COL5A1: variants seen among roughly 807,000 people sequenced by gnomAD.
The protein encoded by COL5A1 is collagen type V alpha 1 chain.
In COL5A1, 16 loss-of-function variants were observed where a neutral mutation model predicts 263.7. That is an observed-to-expected ratio of 0.06 (90% confidence interval 0.04 to 0.09). The LOEUF is 0.09. COL5A1 is among the 10% of genes least tolerant of loss of function. COL5A1 has a pLI of 1.00. For missense variants in COL5A1, 2,036 were observed against 2,540.5 expected (o/e 0.80, Z 4.27); for synonymous variants, 1,012 against 1,004.5 (o/e 1.01, Z -0.14).
intron 4 of COL5A1, among the ~76,000 whole-genome samples, chr9:134,721,029 G>C (rs1834430424): frequency 6.6e-6 from 1 of 152,156 alleles, no homozygotes; most frequent in Admixed American, 6.5e-5. Flanking sequence ...GGGGATCCCA[G>C]GGTTCCGCGG....
Position 134,761,934 on chromosome 9 carries a change from G to A in COL5A1, c.1945G>A (p.Gly649Ser). 6.2e-7 allele frequency: 1 copy of A among 1,613,544 alleles called. No individual in the cohort carries two copies. Among genetic ancestry groups the A allele is most frequent in the Non-Finnish European group, 8.5e-7 (1 of 1,179,986 alleles). The part of the protein sequence containing the change: ...PGEKGHRGDP[G>S]PSGPPGPPGD... ...CCCTTTCACTTCCTAGGGTGACCCT[G>A]GTCCTTCCGGCCCACCAGGACCTCC... is the stretch of plus-strand genomic sequence containing the variant. The change falls in exon 19 of 66, where the codon GGT (glycine) becomes AGT (serine). Residue 649 changes from glycine to serine, a missense_variant. Gly to Ser is a moderately conservative substitution (Grantham distance 56, BLOSUM62 0). Transcript: ENST00000371817.
At chr9:134,704,404 G>C (rs1300572488) in intron 4 of COL5A1, among the ~76,000 whole-genome samples, 5 of 152,186 alleles carry the variant, frequency 3.3e-5, no homozygotes, top group Admixed American at 3.3e-4. Context: ...AAAGGATGAA[G>C]GTAACGTGTG....
intron 2 of COL5A1, among the ~76,000 whole-genome samples, chr9:134,698,676 G>A (rs933745300): frequency 1.3e-5 from 2 of 152,204 alleles, no homozygotes; most frequent in Non-Finnish European, 2.9e-5. Flanking sequence ...GCTGCTGCCC[G>A]CCTTGCCACA....
chr9:134,808,655 T>C (rs1838392017), intron 42 of COL5A1, among the ~76,000 whole-genome samples: 1 of 152,238 alleles, frequency 6.6e-6, no homozygotes, highest in Non-Finnish European at 1.5e-5. Flanking sequence ...CATACCTGTG[T>C]ACATAGGCGT....
chr9:134,709,620 C>G (rs570323938), intron 4 of COL5A1, among the ~76,000 whole-genome samples: 11 of 152,288 alleles, frequency 7.2e-5, no homozygotes, highest in African/African-American at 2.6e-4. Context: ...TTGGGCAGGG[C>G]CTGCCTCTTC....
chr9:134,831,102 G>A (rs984413284), intron 64 of COL5A1, among the ~76,000 whole-genome samples: 6 of 152,200 alleles, frequency 3.9e-5, no homozygotes, highest in Non-Finnish European at 8.8e-5. Context: ...GGGTTCTGCG[G>A]CTTGTAGCCT....
intron 58 of COL5A1, among the ~76,000 whole-genome samples, chr9:134,820,883 G>A (rs1838967327): frequency 6.6e-6 from 1 of 152,156 alleles, no homozygotes; most frequent in African/African-American, 2.4e-5. Context: ...TCCGTCCCGA[G>A]CAAGGTGTGA....
intron 11 of COL5A1, among the ~76,000 whole-genome samples, chr9:134,747,506 C>T (rs562464971): frequency 5.4e-5 from 8 of 148,820 alleles, no homozygotes; most frequent in South Asian, 4.3e-4. Flanking sequence ...CATGCACACA[C>T]GTACACATTC....
At chr9:134,727,716 T>C (rs1834713217) in intron 5 of COL5A1, among the ~76,000 whole-genome samples, 1 of 152,174 alleles carries the variant, frequency 6.6e-6, no homozygotes, top group Non-Finnish European at 1.5e-5. Context: ...ATGCCACAGG[T>C]GTCCCCCATG....
At chr9:134,830,254 C>G in intron 64 of COL5A1, 3 of 1,391,414 alleles carry the variant, frequency 2.2e-6, no homozygotes, top group Non-Finnish European at 3.0e-6. Context: ...GCATGGCACC[C>G]ATCGCTGCCA....
intron 4 of COL5A1, among the ~76,000 whole-genome samples, chr9:134,704,685 C>A (rs898990396): frequency 2.0e-5 from 3 of 152,156 alleles, no homozygotes; most frequent in African/African-American, 7.2e-5. Flanking sequence ...TTTCCTAGCC[C>A]CAGAGTTTCC....
intron 4 of COL5A1, among the ~76,000 whole-genome samples, chr9:134,717,564 C>T (rs990044325): frequency 6.6e-6 from 1 of 152,198 alleles, no homozygotes; most frequent in Non-Finnish European, 1.5e-5. Context: ...TCCCAGTCAG[C>T]GTGTTAACTC....
chr9:134,751,751 AG>A (rs1371527855), intron 13 of COL5A1, among the ~76,000 whole-genome samples: 4 of 152,224 alleles, frequency 2.6e-5, no homozygotes, highest in Non-Finnish European at 4.4e-5. Flanking sequence ...CAGCTCCCAC[AG>A]CAGCCAGAGT....
chr9:134,719,313 TCA>T (rs1834372422), intron 4 of COL5A1, among the ~76,000 whole-genome samples: 3 of 152,358 alleles, frequency 2.0e-5, no homozygotes, highest in African/African-American at 7.2e-5. Flanking sequence ...GGCATGTATG[TCA>T]CGCACACACA....
rs1266300363 is a variant in COL5A1 at position 134,647,866 on chromosome 9, T to A, written c.109+5570T>A. 6.6e-6 allele frequency among the ~76,000 whole-genome samples: 1 copy of A among 152,196 alleles called. No homozygotes were observed. The highest frequency in any genetic ancestry group is 2.4e-5 in the African/African-American group (1 of 41,456). On this transcript the variant is annotated intron_variant, in intron 1 of 65. Transcript: ENST00000371817. This position sits in a 1 kb window ranked among gnomAD's most constrained non-coding sequence, Gnocchi z 5.0. ...GTTTTAAAGTTTCTGGCCTGGCTGG[T>A]GGATGTGCCTCGATCCTGCAGGCGG...
intron 47 of COL5A1, 45 bp downstream of exon 47, chr9:134,812,547 A>G (rs1838564336): frequency 6.2e-7 from 1 of 1,610,566 alleles, no homozygotes; most frequent in Non-Finnish European, 8.5e-7. Flanking sequence ...CTAGCGGCTC[A>G]TGTTTTGGGG....
intron 33 of COL5A1, 24 bp from the exon 34 acceptor site, chr9:134,795,238 C>G (rs372359904): frequency 6.2e-7 from 1 of 1,613,804 alleles, no homozygotes; most frequent in African/African-American, 1.3e-5. Flanking sequence ...TTGAGCTGAC[C>G]TTCCTTCTCT....
intron 27 of COL5A1, among the ~76,000 whole-genome samples, 153 bp downstream of exon 27, chr9:134,775,065 C>G (rs1262025772): frequency 6.6e-6 from 1 of 152,190 alleles, no homozygotes; most frequent in East Asian, 1.9e-4. Context: ...TGTGTGGACG[C>G]TAGGTCTCAG....
At chr9:134,701,080 C>A in intron 3 of COL5A1, 91 bp from the exon 4 acceptor site, 1 of 1,377,102 alleles carries the variant, frequency 7.3e-7, no homozygotes, top group Non-Finnish European at 1.0e-6. Flanking sequence ...GGAAGTGGGC[C>A]TTCTTCCTGT....
Sources: allele counts gnomAD v4.1 joint callset (sites outside exome capture counted in the v4.1 genomes callset), GRCh38; gene constraint gnomAD v4.1.1; non-coding constraint Gnocchi (gnomAD v3.1); transcripts MANE v1.5; gene names NCBI Gene and HGNC (gene_info 2026-07-23, HGNC 2026-07-21).